Variants in MAN1A2 observed in about 807,000 individuals in gnomAD.
MAN1A2 encodes the protein mannosidase alpha class 1A member 2.
Under a neutral mutation model 75.7 loss-of-function variants are expected in MAN1A2, and 26 were observed. The observed-to-expected ratio is 0.34, with a 90% CI of 0.25 to 0.48. The LOEUF (loss-of-function observed/expected upper bound fraction) is 0.48. Among genes scored for constraint, MAN1A2 ranks in the 20% least tolerant of loss-of-function variants. The pLI is 0.99. For synonymous variants in MAN1A2, 247 were observed against 264.6 expected, an observed-to-expected ratio of 0.93 and a Z score of 0.65; for missense variants, 562 against 775.5, an observed-to-expected ratio of 0.72 and a Z score of 3.27.
At chr1:117,426,572 T>C (rs1036821270) in intron 5 of MAN1A2, among the ~76,000 whole-genome samples, 1 of 152,176 alleles carries the variant, frequency 6.6e-6, no homozygotes, top group African/African-American at 2.4e-5. Context: ...TCAGAACACT[T>C]ACATTAGCTT....
In MAN1A2 at chr1:117,368,035, A is replaced by T; in HGVS notation, c.-149A>T. 1 of 696,540 alleles carries T rather than the reference A, an allele frequency of 1.4e-6. No individual in the cohort carries two copies. The highest frequency in any genetic ancestry group is 2.4e-6 in the Non-Finnish European group (1 of 417,910). The allele number at this position is 696,540 out of a possible 1,614,324, so 43.1% of individuals were successfully genotyped here. On this transcript the variant is annotated 5_prime_UTR_variant, in exon 1 of 13. It removes the in-frame stop codon of an upstream open reading frame in the 5' UTR. Coordinates refer to ENST00000356554, the MANE Select transcript of MAN1A2 (RefSeq NM_006699.5). ...GAGTGGGAATGGATGGGCGTGAATG[A>T]CGTGCCCTCTTAAAAAGCACAACAG...
rs1174404991 is a variant in MAN1A2 at position 117,526,035 on chromosome 1, A to G, written c.*3078A>G. 1 of 151,812 alleles carries G rather than the reference A, an allele frequency of 6.6e-6. No homozygotes were observed. The highest frequency in any genetic ancestry group is 2.4e-5 in the African/African-American group (1 of 41,388). 9.4% of individuals were successfully genotyped at this position (151,812 alleles called of 1,614,324 possible). A position where few individuals can be genotyped will look rare whatever the true frequency, so the allele number is the denominator to read the frequency against. On this transcript the variant is annotated 3_prime_UTR_variant, in exon 13 of 13. Transcript: ENST00000356554. ...GGGCTATACTTGCTAGATTTTAACCAAGCAGTTTGAAATATTAATCATCAT... is the reference window on the plus strand; with the variant it reads ...GGGCTATACTTGCTAGATTTTAACCGAGCAGTTTGAAATATTAATCATCAT...
rs144136618 is a variant in MAN1A2, at chr1:117,468,929, A to G, written c.1168+2502A>G. Among the ~76,000 whole-genome samples the G allele has an allele frequency of 2.7e-4, 41 of 152,276 alleles. No homozygotes were observed. In the East Asian group the frequency reaches 6.4e-3, roughly 24 times the overall value. ...TATCCAGATTTGATTATGAACATCT[A>G]TTACTTTTGATGTTAGCTTAAAAAC... On this transcript the variant is annotated intron_variant, in intron 8 of 12. Transcript: ENST00000356554.
chr1:117,397,689 T>TTTTTTTTTTTTTTTTTTTTTGAGACGGA (rs1647228034), intron 1 of MAN1A2, among the ~76,000 whole-genome samples: 1 of 148,548 alleles, frequency 6.7e-6, no homozygotes, highest in African/African-American at 2.5e-5. Context: ...TCGCTTTTGT[T>TTTTTTTTTTTTTTTTTTTTTGAGACGGA]GGCCCAGGCT....
intron 1 of MAN1A2, among the ~76,000 whole-genome samples, chr1:117,369,543 GT>G (rs1255720836): frequency 6.6e-5 from 10 of 152,144 alleles, no homozygotes; most frequent in South Asian, 2.1e-4. Context: ...AAAATGCACT[GT>G]TTTATGAGAA....
intron 6 of MAN1A2, among the ~76,000 whole-genome samples, chr1:117,450,398 GCAGAGCATAGAAGTT>G (rs1649370455): frequency 6.6e-6 from 1 of 152,148 alleles, no homozygotes; most frequent in Non-Finnish European, 1.5e-5. Flanking sequence ...TATAAGGGAA[GCAGAGCATAGAAGTT>G]CAGAAAATTT....
intron 2 of MAN1A2, among the ~76,000 whole-genome samples, chr1:117,403,516 T>G (rs1235437341): frequency 6.6e-6 from 1 of 152,206 alleles, no homozygotes; most frequent in Non-Finnish European, 1.5e-5. Context: ...TTCAGATAGA[T>G]AACCATGTGT....
chr1:117,427,194 G>A lies in MAN1A2; in HGVS notation c.855+6545G>A, dbSNP rs12093620. On this transcript the variant is annotated intron_variant, in intron 5 of 12. Transcript: ENST00000356554. ...TCCAAAAGTCAATCAATGGTGACCT[G>A]TTCTAAGGTAACCCAGATACTGGCA... 7.9e-3 allele frequency among the ~76,000 whole-genome samples: 1,196 copies of A among 151,960 alleles called. 12 individuals are homozygous for A. Among genetic ancestry groups the A allele is most frequent in the African/African-American group, 0.027 (1,124 of 41,404 alleles).
At chr1:117,374,535 G>A (rs12410819) in intron 1 of MAN1A2, among the ~76,000 whole-genome samples, 3,234 of 152,132 alleles carry the variant, frequency 0.021, 51 homozygotes, top group Non-Finnish European at 0.031. Flanking sequence ...CTCCTTCAAA[G>A]GGCATTCTTT....
At chr1:117,412,043 A>C (rs952953209) in intron 3 of MAN1A2, among the ~76,000 whole-genome samples, 2 of 151,838 alleles carry the variant, frequency 1.3e-5, no homozygotes, top group Non-Finnish European at 3.0e-5. Flanking sequence ...TAAAGAATTT[A>C]CAAATTGAAT....
intron 5 of MAN1A2, among the ~76,000 whole-genome samples, chr1:117,440,354 T>A (rs764467706): frequency 6.6e-6 from 1 of 152,168 alleles, no homozygotes; most frequent in Non-Finnish European, 1.5e-5. Flanking sequence ...TAAAAGGAAT[T>A]GTGTGGCTGA....
At chr1:117,408,843 C>G (rs1188320448) in intron 3 of MAN1A2, among the ~76,000 whole-genome samples, 1 of 151,390 alleles carries the variant, frequency 6.6e-6, no homozygotes, top group Non-Finnish European at 1.5e-5. Context: ...TTCAGTTTAT[C>G]TGTTTCATTT....
At chr1:117,506,763 T>C (rs1012082718) in intron 12 of MAN1A2, among the ~76,000 whole-genome samples, 1 of 151,484 alleles carries the variant, frequency 6.6e-6, no homozygotes, top group Non-Finnish European at 1.5e-5. Flanking sequence ...GCAAGGTGGG[T>C]AAAATAGGAT....
At chr1:117,496,536 C>G (rs966756617) in intron 9 of MAN1A2, among the ~76,000 whole-genome samples, 1 of 151,940 alleles carries the variant, frequency 6.6e-6, no homozygotes, top group Non-Finnish European at 1.5e-5. Flanking sequence ...CCAAGTCTCT[C>G]CTCTTCCACT....
At chr1:117,423,139 A>G (rs1254352657) in intron 5 of MAN1A2, among the ~76,000 whole-genome samples, 1 of 152,142 alleles carries the variant, frequency 6.6e-6, no homozygotes, top group Non-Finnish European at 1.5e-5. Flanking sequence ...ATGGATGTTG[A>G]AAAGACTACT....
intron 5 of MAN1A2, among the ~76,000 whole-genome samples, chr1:117,431,033 C>T (rs1648622814): frequency 7.6e-6 from 1 of 131,930 alleles, no homozygotes. Flanking sequence ...CACAGTGAAA[C>T]CCCGTCTCCA....
At chr1:117,428,125 T>TG (rs1398935111) in intron 5 of MAN1A2, among the ~76,000 whole-genome samples, 193 of 151,574 alleles carry the variant, frequency 1.3e-3, no homozygotes, top group Middle Eastern at 6.8e-3. Flanking sequence ...TTTTTTTTTT[T>TG]TGGGGGGGGA....
At chr1:117,450,590 C>G (rs957903899) in intron 6 of MAN1A2, among the ~76,000 whole-genome samples, 1 of 152,232 alleles carries the variant, frequency 6.6e-6, no homozygotes, top group Non-Finnish European at 1.5e-5. Flanking sequence ...CCTCCCATCA[C>G]AGGCCCAAGG....
intron 2 of MAN1A2, 85 bp from the exon 3 acceptor site, chr1:117,405,464 T>C (rs1204406701): frequency 1.3e-6 from 1 of 788,710 alleles, no homozygotes; most frequent in Non-Finnish European, 2.3e-6. Flanking sequence ...GGCAAGGATA[T>C]AGTAATAGAA....
Sources: gnomAD v4.1 joint callset for allele counts (sites outside exome capture counted in the v4.1 genomes callset) on GRCh38, gnomAD v4.1.1 for gene constraint, MANE v1.5 for transcripts, NCBI Gene and HGNC (gene_info 2026-07-23, HGNC 2026-07-21) for gene names.